ZNF831: variants seen among roughly 807,000 people sequenced by gnomAD.
The protein encoded by ZNF831 is chromosome 20 open reading frame 174.
A neutral mutation model predicts 95.8 loss-of-function variants in ZNF831; 59 were observed. The observed-to-expected ratio is 0.62, with a 90% CI of 0.50 to 0.77. The LOEUF (loss-of-function observed/expected upper bound fraction) is 0.77. Among genes scored for constraint, ZNF831 ranks in the 30% least tolerant of loss-of-function variants. The pLI, the probability that ZNF831 is intolerant of heterozygous loss-of-function variation, is 0.00. For synonymous variants in ZNF831, 961 were observed against 925.5 expected (o/e 1.04, Z -0.70); for missense variants, 2,205 against 2,164.0 (o/e 1.02, Z -0.38).
At position 59,244,617 on chromosome 20, in the gene ZNF831, C is replaced by T. The variant is rs75419492; in HGVS notation, c.4028-8361C>T. On this transcript the variant is annotated intron_variant, in intron 4 of 5. Transcript: ENST00000371030. ...CCTGACAACTTCCAGCCACACTGCC[C>T]CTGAGGCCATCAGAGTTAGGTTGGC... is the stretch of plus-strand genomic sequence containing the variant. Among the ~76,000 whole-genome samples, 1,199 of 152,272 alleles carry T rather than the reference C, an allele frequency of 7.9e-3. 3 individuals are homozygous for T. The highest frequency in any genetic ancestry group is 0.012 in the Non-Finnish European group (844 of 68,020).
intron 1 of ZNF831, among the ~76,000 whole-genome samples, chr20:59,189,312 A>T (rs1180102287): frequency 6.6e-6 from 1 of 152,182 alleles, no homozygotes; most frequent in Non-Finnish European, 1.5e-5. Context: ...AATCAATTTT[A>T]AGTTATCCAG....
rs554229108 is a variant in ZNF831, at chr20:59,209,636, C to T, written c.4027+2580C>T. ...TCCTAGGGTTGTTGTAAGAAATTGCCACAAAGGTGGTGGCTTTGAACAGTA... is the reference window on the plus strand; with the variant it reads ...TCCTAGGGTTGTTGTAAGAAATTGCTACAAAGGTGGTGGCTTTGAACAGTA... On this transcript the variant is annotated intron_variant, in intron 4 of 5. Coordinates refer to ENST00000371030, the MANE Select transcript of ZNF831 (RefSeq NM_178457.3). Among the ~76,000 whole-genome samples the T allele has an allele frequency of 3.9e-5, 6 of 152,310 alleles. No individual in the cohort carries two copies. The East Asian group carries it at 9.6e-4, about 24-fold the overall frequency.
intron 1 of ZNF831, among the ~76,000 whole-genome samples, chr20:59,166,584 C>T (rs1399565613): frequency 6.6e-6 from 1 of 152,072 alleles, no homozygotes; most frequent in Admixed American, 6.6e-5. Context: ...TCTCTCTCTC[C>T]CCCCCAACCC....
At chr20:59,227,356 A>G (rs1986486500) in intron 4 of ZNF831, among the ~76,000 whole-genome samples, 1 of 152,216 alleles carries the variant, frequency 6.6e-6, no homozygotes, top group Non-Finnish European at 1.5e-5. Context: ...TTACACTGAG[A>G]CATATCTGCT....
intron 4 of ZNF831, among the ~76,000 whole-genome samples, chr20:59,211,973 G>T (rs1224971146): frequency 7.5e-6 from 1 of 133,016 alleles, no homozygotes; most frequent in African/African-American, 2.8e-5. Context: ...TTGTGTAGGT[G>T]GAGGTGGGTG....
At chr20:59,189,997 C>T (rs931031907) in intron 1 of ZNF831, among the ~76,000 whole-genome samples, 3 of 152,196 alleles carry the variant, frequency 2.0e-5, no homozygotes, top group Admixed American at 1.3e-4. Flanking sequence ...TCCAGAATTT[C>T]CTTCTTGCAT....
At chr20:59,212,906 T>A (rs1985441017) in intron 4 of ZNF831, among the ~76,000 whole-genome samples, 1 of 152,230 alleles carries the variant, frequency 6.6e-6, no homozygotes, top group African/African-American at 2.4e-5. Flanking sequence ...TAAGTGAAAT[T>A]GCAAATTGTG....
chr20:59,146,301 C>G (rs1979857739), exon 2 of ZNF831: 1 of 152,196 alleles, frequency 6.6e-6, no homozygotes, highest in African/African-American at 2.4e-5. Flanking sequence ...GGAGAATGCT[C>G]CTGCCTCATC....
At chr20:59,152,853 G>A (rs2146459450) in intron 2 of ZNF831, among the ~76,000 whole-genome samples, 1 of 152,242 alleles carries the variant, frequency 6.6e-6, no homozygotes, top group African/African-American at 2.4e-5. Context: ...CTGAGGAAGT[G>A]GGCAGAGGCT....
chr20:59,135,125 CT>C (rs996656569), intron 1 of ZNF831, among the ~76,000 whole-genome samples: 5 of 152,134 alleles, frequency 3.3e-5, no homozygotes, highest in Admixed American at 2.0e-4. Flanking sequence ...AGAGAAGGGA[CT>C]CACACAAGAT....
In ZNF831 at chr20:59,169,751, T is replaced by C. The variant is rs1264346574; in HGVS notation, c.-37+5544T>C. On this transcript the variant is annotated intron_variant, in intron 1 of 5. Transcript: ENST00000371030. The surrounding 1 kb of genome is among the most constrained non-coding windows in gnomAD (Gnocchi z 4.1). The stretch of plus-strand genomic sequence containing the variant: ...CCTATCTCTACTAAAAATACAAAAA[T>C]TAGCCGGGCATGATGGCAGACACCT... Among the ~76,000 whole-genome samples, 1 of 152,040 alleles carries C rather than the reference T, an allele frequency of 6.6e-6. No individual in the cohort carries two copies. Among genetic ancestry groups the C allele is most frequent in the Non-Finnish European group, 1.5e-5 (1 of 68,012 alleles).
At chr20:59,151,102 C>T (rs1373554639) in intron 2 of ZNF831, among the ~76,000 whole-genome samples, 7 of 152,170 alleles carry the variant, frequency 4.6e-5, no homozygotes, top group African/African-American at 1.4e-4. Flanking sequence ...CCCATGTTCC[C>T]GGTACATGTG....
At chr20:59,206,774 T>TG (rs1158701130) in intron 3 of ZNF831, 131 bp from the exon 4 acceptor site, 2 of 942,794 alleles carry the variant, frequency 2.1e-6, no homozygotes, top group Non-Finnish European at 3.2e-6. Context: ...GATCAGGAGT[T>TG]GCTCAGAGCT....
In ZNF831 at chr20:59,165,312, A is replaced by G. The variant is rs145778474; in HGVS notation, c.-37+1105A>G. ...CATGTAAGCAGAGAACCAAGACTGT[A>G]AAAGGGAGGTAGGGTAGGCTGTTTG... On this transcript the variant is annotated intron_variant, in intron 1 of 5. Coordinates refer to ENST00000371030, the MANE Select transcript of ZNF831 (RefSeq NM_178457.3). 3.4e-3 allele frequency among the ~76,000 whole-genome samples: 518 copies of G among 152,288 alleles called. 2 individuals carry two copies. Among genetic ancestry groups the G allele is most frequent in the Non-Finnish European group, 5.5e-3 (376 of 68,012 alleles).
chr20:59,163,509 G>C (rs1488383753), upstream of ZNF831, among the ~76,000 whole-genome samples: 1 of 152,148 alleles, frequency 6.6e-6, no homozygotes, highest in Non-Finnish European at 1.5e-5. Flanking sequence ...AACCTCTGGG[G>C]TTACATGTGG....
chr20:59,254,697 G>A lies in ZNF831; in HGVS notation c.4988G>A (p.Ser1663Asn). Residue 1663 changes from serine to asparagine, a missense_variant, in exon 6 of 6, where the codon AGT becomes AAT. Coordinates refer to ENST00000371030, the MANE Select transcript of ZNF831 (RefSeq NM_178457.3). The surrounding 1 kb of genome is among the most constrained non-coding windows in gnomAD (Gnocchi z 4.5). ...AGAAAGCAAACTCGAGTAGAGTTCA[G>A]TGACACCAGCAGCGACGATGAAGAC... ...GMRKQTRVEF[S>N]DTSSDDEDRL... 6.2e-7 allele frequency: 1 copy of A among 1,614,090 alleles called. No individual in the cohort carries two copies. Among genetic ancestry groups the A allele is most frequent in the Non-Finnish European group, 8.5e-7 (1 of 1,180,002 alleles).
rs1983156696 is a variant in ZNF831 at position 59,187,576 on chromosome 20, A to G, written c.-36-3408A>G. On this transcript the variant is annotated intron_variant, in intron 1 of 5. Coordinates refer to ENST00000371030, the MANE Select transcript of ZNF831 (RefSeq NM_178457.3). ...CCAAAGTACTTTTAAAAAATTGAGT[A>G]CCTTTGCTCAATGAAGACAATACTT... is the stretch of plus-strand genomic sequence containing the variant. Among the ~76,000 whole-genome samples, 4 of 152,218 alleles carry G rather than the reference A, an allele frequency of 2.6e-5. No individual in the cohort carries two copies. In the South Asian group the frequency reaches 6.2e-4, roughly 24 times the overall value.
At chr20:59,218,530 G>A (rs1009236712) in intron 4 of ZNF831, among the ~76,000 whole-genome samples, 4 of 151,886 alleles carry the variant, frequency 2.6e-5, no homozygotes, top group African/African-American at 7.3e-5. Context: ...GGGTGTGTTC[G>A]TCTCTCTCCA....
rs568936686 is a variant in ZNF831, at chr20:59,218,967, C to T, written c.4027+11911C>T. ...GGTGGAGGTTGCAGTGAGCCAAGAT[C>T]GCGCTACTACACTCCAGCCTAGGTG... On this transcript the variant is annotated intron_variant, in intron 4 of 5. Transcript: ENST00000371030. Among the ~76,000 whole-genome samples, 10 of 152,080 alleles carry T rather than the reference C, an allele frequency of 6.6e-5. No homozygotes were observed. The East Asian group carries it at 1.4e-3, about 21-fold the overall frequency.
Sources: allele counts gnomAD v4.1 joint callset (sites outside exome capture counted in the v4.1 genomes callset), GRCh38; gene constraint gnomAD v4.1.1; non-coding constraint Gnocchi (gnomAD v3.1); transcripts MANE v1.5; gene names NCBI Gene and HGNC (gene_info 2026-07-23, HGNC 2026-07-21).